DERL2: variants seen among roughly 807,000 people sequenced by gnomAD.
DERL2 encodes the protein derlin-2.
In DERL2, 13 loss-of-function variants were observed where a neutral mutation model predicts 32.0. That is an observed-to-expected ratio of 0.41 (90% CI 0.26 to 0.65). The LOEUF (loss-of-function observed/expected upper bound fraction) is 0.65. Ranked by LOEUF, DERL2 falls within the 30% of genes least tolerant of loss-of-function variation. DERL2 has a pLI of 0.35. For synonymous variants in DERL2, 111 were observed against 104.7 expected (o/e 1.06, Z -0.37); for missense variants, 208 against 296.3 (o/e 0.70, Z 2.19).
intron 6 of DERL2, among the ~76,000 whole-genome samples, chr17:5,475,779 CAACATGGATG>C (rs986996571): frequency 6.6e-6 from 1 of 152,064 alleles, no homozygotes; most frequent in African/African-American, 2.4e-5. Flanking sequence ...GCACATGGTA[CAACATGGATG>C]AACCTTGAGG....
chr17:5,485,538 A>G (rs536759277), intron 1 of DERL2, among the ~76,000 whole-genome samples: 1 of 152,314 alleles, frequency 6.6e-6, no homozygotes, highest in Non-Finnish European at 1.5e-5. Flanking sequence ...TACCCACCAC[A>G]TGGGCACCAC....
chr17:5,479,226 G>C (rs1905594837), intron 6 of DERL2, among the ~76,000 whole-genome samples: 1 of 152,130 alleles, frequency 6.6e-6, no homozygotes, highest in South Asian at 2.1e-4. Flanking sequence ...TTTTTAAAAA[G>C]TACACAAAGA....
At chr17:5,476,451 T>C (rs138519273) in intron 6 of DERL2, among the ~76,000 whole-genome samples, 11 of 152,274 alleles carry the variant, frequency 7.2e-5, no homozygotes, top group Middle Eastern at 3.4e-3. Flanking sequence ...AACGTGAGAA[T>C]GTTTGCTCTC....
intron 1 of DERL2, 23 bp downstream of exon 1, chr17:5,486,046 A>C (rs1395876368): frequency 1.3e-5 from 20 of 1,599,474 alleles, no homozygotes; most frequent in Non-Finnish European, 1.7e-5. Context: ...AGATAATGAG[A>C]AGGTGGCACT....
intron 4 of DERL2, chr17:5,480,963 GTA>G: frequency 1.8e-6 from 1 of 549,576 alleles, no homozygotes; most frequent in Non-Finnish European, 3.2e-6. Flanking sequence ...TAAGTCTATT[GTA>G]TAGATGAAAA....
chr17:5,483,855 G>A (rs1905966932), intron 2 of DERL2, among the ~76,000 whole-genome samples: 1 of 152,242 alleles, frequency 6.6e-6, no homozygotes, highest in Admixed American at 6.5e-5. Flanking sequence ...ACAGCGCCAT[G>A]TGAGTATTGT....
Position 5,481,102 on chromosome 17 carries a change from TG to T in DERL2, c.327+193del. On this transcript the variant is annotated intron_variant, in intron 4 of 6. Transcript: ENST00000158771. This position sits in a 1 kb window ranked among gnomAD's most constrained non-coding sequence, Gnocchi z 4.4. Reference sequence around the variant, plus strand: ...CTGAGTTGCTTAACAGTAACCCACCTGGGTTAAAAGTTCCTTTGACTTGCTC... The same window carrying T: ...CTGAGTTGCTTAACAGTAACCCACCTGGTTAAAAGTTCCTTTGACTTGCTC... The T allele has an allele frequency of 1.6e-6, 1 of 622,292 alleles. No homozygotes were observed. Among genetic ancestry groups the T allele is most frequent in the Non-Finnish European group, 2.8e-6 (1 of 352,364 alleles). The allele number at this position is 622,292 out of a possible 1,614,324, so 38.5% of individuals were successfully genotyped here.
At position 5,480,143 on chromosome 17, in the gene DERL2, A is replaced by G; in HGVS notation, c.525T>C (p.Gly175=). The change falls in exon 6 of 7, where the codon GGT becomes GGC. Residue 175 remains glycine (G), a splice_region_variant and synonymous_variant. Transcript: ENST00000158771. ...LGNSIIVDLL[G]IAVGHIYFFL... is the part of the protein sequence containing the mutation. ...AAAAATATATGTGTCCAACTGCAAT[A>G]CCTAGAGTCAAGCAGAAATAAAGGA... 1 of 1,590,118 alleles carries G rather than the reference A, an allele frequency of 6.3e-7. No individual in the cohort carries two copies. Among genetic ancestry groups the G allele is most frequent in the Non-Finnish European group, 8.6e-7 (1 of 1,159,978 alleles).
chr17:5,476,644 G>A (rs1905399404), intron 6 of DERL2, among the ~76,000 whole-genome samples: 1 of 152,188 alleles, frequency 6.6e-6, no homozygotes. Context: ...AGCCGGGTGT[G>A]GTGGCGCATG....
At chr17:5,477,803 T>C (rs753916154) in intron 6 of DERL2, 1 of 152,184 alleles carries the variant, frequency 6.6e-6, no homozygotes, top group African/African-American at 2.4e-5. Flanking sequence ...AAAAAATACA[T>C]AGATCTAAAA....
At chr17:5,480,017 G>T in intron 6 of DERL2, 37 bp downstream of exon 6, 2 of 1,312,132 alleles carry the variant, frequency 1.5e-6, no homozygotes, top group Non-Finnish European at 2.2e-6. Context: ...GTCCTGGTTT[G>T]CCTGTAAGAG....
rs1471235494 is a variant in DERL2 at position 5,474,727 on chromosome 17, G to A, written c.677C>T (p.Pro226Leu). The change falls in exon 7 of 7, where the codon CCA becomes CTA. Residue 226 changes from proline (P) to leucine (L), a missense_variant. This residue lies in a region of DERL2 where 40 missense variants were observed against 38.7 expected (regional missense o/e 1.03). Transcript: ENST00000158771. This position sits in a 1 kb window ranked among gnomAD's most constrained non-coding sequence, Gnocchi z 4.3. ...PNYNPLPEER[P>L]GGFAWGEGQR... ...GCCCTCACCCCAGGCGAAGCCTCCT[G>A]GCCGTTCCTCAGGTAGTGGATTGTA... 2 of 1,613,686 alleles carry A rather than the reference G, an allele frequency of 1.2e-6. No homozygotes were observed. Among genetic ancestry groups the A allele is most frequent in the South Asian group, 2.2e-5 (2 of 90,996 alleles).
At chr17:5,475,685 G>A (rs1203151546) in intron 6 of DERL2, among the ~76,000 whole-genome samples, 3 of 152,028 alleles carry the variant, frequency 2.0e-5, no homozygotes, top group Non-Finnish European at 4.4e-5. Context: ...GGAGGCACAG[G>A]TTACAGTGAG....
chr17:5,486,573 G>T, upstream of DERL2: 1 of 159,184 alleles, frequency 6.3e-6, no homozygotes, highest in Non-Finnish European at 1.4e-5. Flanking sequence ...CGTATCAGTC[G>T]GAATTTTGGG....
intron 6 of DERL2, among the ~76,000 whole-genome samples, chr17:5,479,383 G>A (rs183446232): frequency 5.0e-4 from 75 of 150,792 alleles, no homozygotes; most frequent in African/African-American, 1.7e-3. Flanking sequence ...CTTCTCAATT[G>A]AGCCCTTTTT....
At position 5,481,421 on chromosome 17, in the gene DERL2, C is replaced by T. The variant is rs201979859; in HGVS notation, c.234-32G>A. On this transcript the variant is annotated intron_variant, in intron 3 of 6. Transcript: ENST00000158771. The surrounding 1 kb of genome is among the most constrained non-coding windows in gnomAD (Gnocchi z 4.4). ...TTCCAAGTTAAGAAAATATTAAGCACACGAATATGAACAAAGTAAAAATTT... is the reference window on the plus strand; with the variant it reads ...TTCCAAGTTAAGAAAATATTAAGCATACGAATATGAACAAAGTAAAAATTT... 9.0e-5 allele frequency: 133 copies of T among 1,475,126 alleles called. No individual in the cohort carries two copies. The African/African-American group carries it at 1.5e-3, about 16-fold the overall frequency. 91.4% of individuals were successfully genotyped at this position (1,475,126 alleles called of 1,614,324 possible).
rs761578452 is a variant in DERL2 at position 5,481,137 on chromosome 17, C to T, written c.327+159G>A. 1.3e-5 allele frequency: 9 copies of T among 682,362 alleles called. No homozygotes were observed. The highest frequency in any genetic ancestry group is 2.7e-5 in the East Asian group (1 of 36,720). The allele number at this position is 682,362 out of a possible 1,614,324, so 42.3% of individuals were successfully genotyped here. A position where few individuals can be genotyped will look rare whatever the true frequency, so the allele number is the denominator to read the frequency against. On this transcript the variant is annotated intron_variant, in intron 4 of 6. Coordinates refer to ENST00000158771, the MANE Select transcript of DERL2 (RefSeq NM_016041.5). The surrounding 1 kb of genome is among the most constrained non-coding windows in gnomAD (Gnocchi z 4.4). ...GTTCCTTTGACTTGCTCATCCTGTC[C>T]GACTGCTAGGTTTGGAAACTTGTCA...
rs757473041 is a variant in DERL2 at position 5,481,424 on chromosome 17, G to C, written c.234-35C>G. ...CAAGTTAAGAAAATATTAAGCACAC[G>C]AATATGAACAAAGTAAAAATTTAAT... On this transcript the variant is annotated intron_variant, in intron 3 of 6. Coordinates refer to ENST00000158771, the MANE Select transcript of DERL2 (RefSeq NM_016041.5). This position sits in a 1 kb window ranked among gnomAD's most constrained non-coding sequence, Gnocchi z 4.4. The C allele has an allele frequency of 2.8e-6, 4 of 1,440,740 alleles. No homozygotes were observed. The Admixed American group carries it at 5.2e-5, about 19-fold the overall frequency. 89.2% of individuals were successfully genotyped at this position (1,440,740 alleles called of 1,614,324 possible). A position where few individuals can be genotyped will look rare whatever the true frequency, so the allele number is the denominator to read the frequency against.
In DERL2 at chr17:5,477,345, T is replaced by C. The variant is rs1167830648; in HGVS notation, c.615-2556A>G. Among the ~76,000 whole-genome samples, 4 of 152,276 alleles carry C rather than the reference T, an allele frequency of 2.6e-5. No homozygotes were observed. The East Asian group carries it at 5.8e-4, about 22-fold the overall frequency. ...ACAAAACCAGAATAGCAATTGCTTC[T>C]TGGGGGACAGGTACAATGATTGACA... On this transcript the variant is annotated intron_variant, in intron 6 of 6. Transcript: ENST00000158771.
Sources: allele counts gnomAD v4.1 joint callset (sites outside exome capture counted in the v4.1 genomes callset), GRCh38; gene constraint gnomAD v4.1.1; regional missense constraint gnomAD v4.1.1; non-coding constraint Gnocchi (gnomAD v3.1); transcripts MANE v1.5; gene names NCBI Gene and HGNC (gene_info 2026-07-23, HGNC 2026-07-21).